Variants in LY75 observed in about 807,000 individuals in gnomAD.
LY75 encodes the protein C-type lectin domain family 13 member B.
A neutral mutation model predicts 231.7 loss-of-function variants in LY75; 185 were observed. The observed-to-expected ratio is 0.80, with a 90% confidence interval of 0.71 to 0.90. The LOEUF is 0.90. Ranked by LOEUF, LY75 falls within the 40% of genes least tolerant of loss-of-function variation. The pLI is 0.00. For synonymous variants in LY75, 668 were observed against 689.0 expected (o/e 0.97, Z 0.48); for missense variants, 1,947 against 2,050.2 (o/e 0.95, Z 0.97).
At chr2:159,875,765 G>A (rs879226978) in intron 11 of LY75, 122 bp from the exon 12 acceptor site, 6 of 1,191,532 alleles carry the variant, frequency 5.0e-6, no homozygotes, top group Non-Finnish European at 7.0e-6. Context: ...ATGGAACAAA[G>A]AGAGGAAAGA....
intron 13 of LY75, among the ~76,000 whole-genome samples, chr2:159,868,944 A>G (rs1000049809): frequency 3.3e-5 from 5 of 152,154 alleles, no homozygotes; most frequent in African/African-American, 1.2e-4. Context: ...CCCCACACAT[A>G]TACACCATGG....
chr2:159,818,049 C>CA (rs1298844968), intron 29 of LY75, among the ~76,000 whole-genome samples: 1 of 150,010 alleles, frequency 6.7e-6, no homozygotes, highest in South Asian at 2.1e-4. Context: ...ACTCCATCTC[C>CA]AAAAAAATAA....
intron 4 of LY75, among the ~76,000 whole-genome samples, chr2:159,887,734 A>G (rs1685638910): frequency 6.6e-6 from 1 of 152,120 alleles, no homozygotes; most frequent in African/African-American, 2.4e-5. Context: ...AGAAACAGAT[A>G]TACTTCTAAA....
In LY75 at chr2:159,886,427, C is replaced by T. The variant is rs1685587455; in HGVS notation, c.906G>A (p.Trp302Ter). 1 of 1,603,318 alleles carries T rather than the reference C, an allele frequency of 6.2e-7. No homozygotes were observed. Among genetic ancestry groups the T allele is most frequent in the Non-Finnish European group, 8.5e-7 (1 of 1,174,212 alleles). Residue 302 changes from tryptophan (W) to a stop codon, truncating the protein, a stop_gained, in exon 5 of 35, where the codon TGG (tryptophan) becomes TGA (stop). Transcript: ENST00000263636. LOFTEE classifies it high-confidence loss of function. ...TAGGGAAAGAGCAGTTACCTGGATCCCAGTTGAGAAAGTTTAATGGTTTGT... is the reference window on the plus strand; with the variant it reads ...TAGGGAAAGAGCAGTTACCTGGATCTCAGTTGAGAAAGTTTAATGGTTTGT... ...SDHKPLNFLN[W>*]DPDRPSAPTI...
chr2:159,838,346 T>C (rs1683898245), intron 25 of LY75, among the ~76,000 whole-genome samples: 1 of 152,040 alleles, frequency 6.6e-6, no homozygotes, highest in Non-Finnish European at 1.5e-5. Context: ...AAGAGAACCA[T>C]AGGTAAAGGT....
At chr2:159,890,124 CA>C in intron 4 of LY75, 88 bp downstream of exon 4, 1 of 1,508,474 alleles carries the variant, frequency 6.6e-7, no homozygotes, top group Non-Finnish European at 8.8e-7. Context: ...AAGTTACATA[CA>C]AAGAAACACA....
chr2:159,862,260 C>G (rs922853243), intron 14 of LY75, among the ~76,000 whole-genome samples: 1 of 140,716 alleles, frequency 7.1e-6, no homozygotes, highest in Admixed American at 7.9e-5. Flanking sequence ...CGACTGCACT[C>G]TAGCCTGGGC....
At chr2:159,827,374 G>A (rs1222271673) in intron 28 of LY75, among the ~76,000 whole-genome samples, 4 of 152,094 alleles carry the variant, frequency 2.6e-5, no homozygotes, top group African/African-American at 4.8e-5. Flanking sequence ...ATCATCACTC[G>A]TCATTAGAGA....
intron 13 of LY75, 136 bp downstream of exon 13, chr2:159,872,314 TA>T: frequency 8.8e-7 from 1 of 1,137,554 alleles, no homozygotes; most frequent in Non-Finnish European, 1.2e-6. Context: ...CCATGACTGC[TA>T]AGCACCAAAT....
chr2:159,840,990 C>G, intron 24 of LY75, 35 bp from the exon 25 acceptor site: 1 of 1,606,834 alleles, frequency 6.2e-7, no homozygotes, highest in Non-Finnish European at 8.5e-7. Flanking sequence ...AACAACAAAC[C>G]CTTCCCCACA....
intron 23 of LY75, among the ~76,000 whole-genome samples, chr2:159,846,511 C>A (rs571636986): frequency 6.6e-6 from 1 of 152,050 alleles, no homozygotes; most frequent in African/African-American, 2.4e-5. Flanking sequence ...GAGTAAGACC[C>A]TGTGTCAGAA....
At chr2:159,862,223 C>T (rs190804602) in intron 14 of LY75, among the ~76,000 whole-genome samples, 176 of 145,614 alleles carry the variant, frequency 1.2e-3, no homozygotes, top group Non-Finnish European at 1.6e-3. Flanking sequence ...ACCCGGGAGG[C>T]GGAGCTTGCA....
Position 159,804,979 on chromosome 2 carries a change from G to A in LY75, c.*65C>T. 3.1e-6 allele frequency: 4 copies of A among 1,298,530 alleles called. No homozygotes were observed. In the East Asian group the frequency reaches 9.4e-5, roughly 31 times the overall value. 80.4% of individuals were successfully genotyped at this position (1,298,530 alleles called of 1,614,324 possible). A position where few individuals can be genotyped will look rare whatever the true frequency, so the allele number is the denominator to read the frequency against. On this transcript the variant is annotated 3_prime_UTR_variant, in exon 35 of 35. Coordinates refer to ENST00000263636, the MANE Select transcript of LY75 (RefSeq NM_002349.4). ...TTGGAGCAGAGTAAATACTGACACT[G>A]GGACATTTTAAGTGACTAATTTCTC...
intron 10 of LY75, 59 bp from the exon 11 acceptor site, chr2:159,878,552 GCAC>G: frequency 6.2e-7 from 1 of 1,611,834 alleles, no homozygotes; most frequent in Admixed American, 1.7e-5. Context: ...ATTTGAAGAT[GCAC>G]CTTTTACTTA....
chr2:159,882,450 G>A (rs1685465483), intron 6 of LY75, 135 bp from the exon 7 acceptor site: 1 of 1,213,014 alleles, frequency 8.2e-7, no homozygotes, highest in South Asian at 1.5e-5. Context: ...ACGGTGACAT[G>A]AATTCATGTG....
At chr2:159,838,371 GAAGT>G (rs1353685962) in intron 25 of LY75, among the ~76,000 whole-genome samples, 1 of 152,158 alleles carries the variant, frequency 6.6e-6, no homozygotes, top group East Asian at 1.9e-4. Flanking sequence ...AATAGGATAA[GAAGT>G]AAGACCCAAA....
At chr2:159,821,551 G>A (rs1255603956) in intron 28 of LY75, among the ~76,000 whole-genome samples, 4 of 150,948 alleles carry the variant, frequency 2.6e-5, no homozygotes, top group Non-Finnish European at 4.4e-5. Context: ...AGGAGGCAGA[G>A]GTAGCAGTGA....
intron 23 of LY75, among the ~76,000 whole-genome samples, chr2:159,844,960 C>G (rs1479563060): frequency 6.6e-6 from 1 of 152,050 alleles, no homozygotes; most frequent in Non-Finnish European, 1.5e-5. Flanking sequence ...TTAACCTCCA[C>G]TTGTACGTTA....
chr2:159,879,334 T>A lies in LY75; in HGVS notation c.1440A>T (p.Lys480Asn), dbSNP rs1685368135. The A allele has an allele frequency of 3.1e-6, 5 of 1,613,744 alleles. No homozygotes were observed. The highest frequency in any genetic ancestry group is 3.4e-6 in the Non-Finnish European group (4 of 1,179,880). Reference sequence around the variant, plus strand: ...CCTTTCTCTTGCATACATATTTTAGTTTCTCCTCACATGATTGGACTTTCC... The same window carrying A: ...CCTTTCTCTTGCATACATATTTTAGATTCTCCTCACATGATTGGACTTTCC... ...GQWKVQSCEEKLKYVCKRKGE... is the reference protein window; with the variant it reads ...GQWKVQSCEENLKYVCKRKGE... Residue 480 changes from lysine (K) to asparagine (N), a missense_variant, in exon 9 of 35, where the codon AAA becomes AAT. By Grantham distance (94) the Lys-to-Asn change is moderately conservative. Coordinates refer to ENST00000263636, the MANE Select transcript of LY75 (RefSeq NM_002349.4).
Sources: gnomAD v4.1 joint callset for allele counts (sites outside exome capture counted in the v4.1 genomes callset) on GRCh38, gnomAD v4.1.1 for gene constraint, MANE v1.5 for transcripts, NCBI Gene and HGNC (gene_info 2026-07-23, HGNC 2026-07-21) for gene names.